PRKCA: variants seen among roughly 807,000 people sequenced by gnomAD.
PRKCA encodes the protein protein kinase C alpha.
A neutral mutation model predicts 87.0 loss-of-function variants in PRKCA; 27 were observed. The observed-to-expected ratio is 0.31, with a 90% CI of 0.23 to 0.43. The LOEUF (loss-of-function observed/expected upper bound fraction) is 0.43. Among genes scored for constraint, PRKCA ranks in the 20% least tolerant of loss-of-function variants. PRKCA has a pLI of 1.00. For synonymous variants in PRKCA, 329 were observed against 311.1 expected, an observed-to-expected ratio of 1.06 and a Z score of -0.61; for missense variants, 518 against 852.3, an observed-to-expected ratio of 0.61 and a Z score of 4.88.
intron 16 of PRKCA, chr17:66,796,863 G>T (rs1975682361): frequency 2.0e-6 from 2 of 985,362 alleles, no homozygotes; most frequent in Middle Eastern, 5.2e-4. Flanking sequence ...CTACGATGAA[G>T]TACCTCCTGC....
intron 2 of PRKCA, among the ~76,000 whole-genome samples, chr17:66,437,663 A>T (rs920480988): frequency 4.2e-5 from 6 of 143,738 alleles, no homozygotes; most frequent in African/African-American, 1.6e-4. Context: ...ACCCTAGAGA[A>T]ACCTGAGTCA....
chr17:66,643,599 C>CT lies in PRKCA; in HGVS notation c.401-1784_401-1783insT, dbSNP rs546595588. Among the ~76,000 whole-genome samples the CT allele has an allele frequency of 2.2e-4, 34 of 152,284 alleles. No homozygotes were observed. In the East Asian group the frequency reaches 6.2e-3, roughly 28 times the overall value. ...TTTCCTTACTAAAAATTTTTGAAAA[C>CT]CGCTGACCTGGACCAATGCTTTTTT... is the stretch of plus-strand genomic sequence containing the variant. On this transcript the variant is annotated intron_variant, in intron 4 of 16. Coordinates refer to ENST00000413366, the MANE Select transcript of PRKCA (RefSeq NM_002737.3).
chr17:66,532,155 TAAAA>T (rs11304403), intron 3 of PRKCA, among the ~76,000 whole-genome samples: 4 of 144,538 alleles, frequency 2.8e-5, no homozygotes, highest in African/African-American at 7.6e-5. Context: ...CTGGTAAAAT[TAAAA>T]AAAAAAAAAA....
At chr17:66,569,719 T>G (rs886444279) in intron 3 of PRKCA, among the ~76,000 whole-genome samples, 1 of 152,084 alleles carries the variant, frequency 6.6e-6, no homozygotes, top group Admixed American at 6.5e-5. Flanking sequence ...GAATGCAAAT[T>G]AAAACTGCAA....
At chr17:66,362,673 GTT>G (rs34171506) in intron 2 of PRKCA, among the ~76,000 whole-genome samples, 245 of 143,662 alleles carry the variant, frequency 1.7e-3, no homozygotes, top group Middle Eastern at 7.2e-3. Context: ...TGCCTTGCAG[GTT>G]TTTTTTTTTT....
At chr17:66,535,487 A>C (rs1598748288) in intron 3 of PRKCA, among the ~76,000 whole-genome samples, 1 of 151,680 alleles carries the variant, frequency 6.6e-6, no homozygotes, top group Non-Finnish European at 1.5e-5. Flanking sequence ...AAATTCCCCC[A>C]CCCCTGCTGC....
At chr17:66,566,468 T>C (rs113203321) in intron 3 of PRKCA, among the ~76,000 whole-genome samples, 21 of 144,260 alleles carry the variant, frequency 1.5e-4, no homozygotes, top group African/African-American at 4.9e-4. Flanking sequence ...GAAGAACTGT[T>C]GTTGTTTTTT....
intron 2 of PRKCA, among the ~76,000 whole-genome samples, chr17:66,350,901 T>A (rs1907703874): frequency 6.6e-6 from 1 of 152,238 alleles, no homozygotes; most frequent in Admixed American, 6.5e-5. Context: ...CATGTTTAGT[T>A]GACTCTGGTT....
chr17:66,579,502 A>G (rs959150739), intron 3 of PRKCA, among the ~76,000 whole-genome samples: 9 of 152,222 alleles, frequency 5.9e-5, no homozygotes, highest in Non-Finnish European at 2.9e-5. Flanking sequence ...TCACGTCCTC[A>G]TACGACACTG....
At chr17:66,308,602 G>GT (rs1454708251) in intron 2 of PRKCA, among the ~76,000 whole-genome samples, 1 of 152,148 alleles carries the variant, frequency 6.6e-6, no homozygotes, top group Non-Finnish European at 1.5e-5. Flanking sequence ...ACAGTTCACA[G>GT]AGACCTTTTC....
chr17:66,732,745 C>G lies in PRKCA; in HGVS notation c.976C>G (p.Gln326Glu), dbSNP rs1378321864. 1.2e-6 allele frequency: 2 copies of G among 1,614,224 alleles called. No homozygotes were observed. Among genetic ancestry groups the G allele is most frequent in the South Asian group, 1.1e-5 (1 of 91,076 alleles). The change falls in exon 9 of 17, where the codon CAA (glutamine) becomes GAA (glutamate). Residue 326 changes from glutamine (Q) to glutamate (E), a missense_variant. Physicochemically the swap from Gln to Glu is conservative, Grantham distance 29. Around this residue, in one of 5 missense-constraint regions of PRKCA, gnomAD observed 300 missense variants for 496.8 expected, o/e 0.60. Coordinates refer to ENST00000413366, the MANE Select transcript of PRKCA (RefSeq NM_002737.3). ...KVISPSEDRKQPSNNLDRVKL... is the reference protein window; with the variant it reads ...KVISPSEDRKEPSNNLDRVKL... ...CATCAGTCCCTCTGAAGACAGGAAA[C>G]AACCTTCCAACAACCTTGACCGAGT...
rs1160956875 is a variant in PRKCA, at chr17:66,683,460, G to C, written c.530-3651G>C. Reference sequence around the variant, plus strand: ...GTGCCTGGGTGTCAACCCGGACCAAGTAGATCTGACTCTCTGAAGGTGGGG... The same window carrying C: ...GTGCCTGGGTGTCAACCCGGACCAACTAGATCTGACTCTCTGAAGGTGGGG... On this transcript the variant is annotated intron_variant, in intron 5 of 16. Transcript: ENST00000413366. 2.0e-5 allele frequency among the ~76,000 whole-genome samples: 3 copies of C among 152,348 alleles called. No homozygotes were observed. In the South Asian group the frequency reaches 6.2e-4, roughly 32 times the overall value.
chr17:66,412,001 CT>C (rs34558353), intron 2 of PRKCA, among the ~76,000 whole-genome samples: 42,136 of 135,830 alleles, frequency 0.31, 6,028 homozygotes, highest in East Asian at 0.39. Flanking sequence ...GAAAAAAAAT[CT>C]TTTTTTTTTT....
chr17:66,723,918 G>T (rs1048715443), intron 8 of PRKCA, among the ~76,000 whole-genome samples: 1 of 152,142 alleles, frequency 6.6e-6, no homozygotes, highest in Non-Finnish European at 1.5e-5. Context: ...TTCCAGAGTT[G>T]CCCACTGGTT....
chr17:66,356,915 G>A (rs1162484038), intron 2 of PRKCA, among the ~76,000 whole-genome samples: 1 of 152,090 alleles, frequency 6.6e-6, no homozygotes, highest in Non-Finnish European at 1.5e-5. Context: ...ACCATGCCCT[G>A]CTATTTATTG....
At chr17:66,522,823 AGAAG>A (rs1967211184) in intron 3 of PRKCA, among the ~76,000 whole-genome samples, 1 of 146,884 alleles carries the variant, frequency 6.8e-6, no homozygotes, top group African/African-American at 2.5e-5. Context: ...AAAAAAAAAA[AGAAG>A]AAGCCAGGCC....
At chr17:66,709,994 A>C (rs922568343) in intron 8 of PRKCA, among the ~76,000 whole-genome samples, 1 of 152,202 alleles carries the variant, frequency 6.6e-6, no homozygotes, top group Admixed American at 6.5e-5. Context: ...CGATTCGCCA[A>C]ATACTCCAGG....
intron 3 of PRKCA, among the ~76,000 whole-genome samples, chr17:66,587,632 A>G (rs984644936): frequency 3.3e-5 from 5 of 150,596 alleles, no homozygotes; most frequent in Admixed American, 2.0e-4. Context: ...ATATAGATAT[A>G]TAGATATATA....
At chr17:66,739,614 G>A (rs1200821287) in intron 11 of PRKCA, among the ~76,000 whole-genome samples, 3 of 152,176 alleles carry the variant, frequency 2.0e-5, no homozygotes, top group African/African-American at 7.2e-5. Flanking sequence ...TAAAAATCGG[G>A]GAGAGGGAAG....
Sources: allele counts gnomAD v4.1 joint callset (sites outside exome capture counted in the v4.1 genomes callset), GRCh38; gene constraint gnomAD v4.1.1; regional missense constraint gnomAD v4.1.1; transcripts MANE v1.5; gene names NCBI Gene and HGNC (gene_info 2026-07-23, HGNC 2026-07-21).